LINGO2: variants seen among roughly 807,000 people sequenced by gnomAD.
LINGO2 encodes the protein leucine rich repeat and Ig domain containing 2.
In LINGO2, 14 loss-of-function variants were observed where a neutral mutation model predicts 30.6. That is an observed-to-expected ratio of 0.46 (90% CI 0.30 to 0.72). The LOEUF is 0.72. LINGO2 is among the 30% of genes least tolerant of loss of function. The probability of loss-of-function intolerance (pLI) is 0.07; values close to 1 mark genes in which losing one functional copy is unlikely to be tolerated. For missense variants in LINGO2, 729 were observed against 751.7 expected, an observed-to-expected ratio of 0.97 and a Z score of 0.35; for synonymous variants, 317 against 288.5, an observed-to-expected ratio of 1.10 and a Z score of -1.00.
intron 1 of LINGO2, among the ~76,000 whole-genome samples, chr9:28,581,151 T>C (rs1422107399): frequency 1.3e-5 from 2 of 152,020 alleles, no homozygotes; most frequent in Non-Finnish European, 2.9e-5. Context: ...TAATGAACTT[T>C]AGATGTTTTG....
intron 4 of LINGO2, among the ~76,000 whole-genome samples, chr9:28,210,006 C>T (rs903126012): frequency 6.6e-6 from 1 of 151,624 alleles, no homozygotes; most frequent in African/African-American, 2.4e-5. Context: ...ATTAACATGC[C>T]CTAAAGCCAC....
At chr9:28,085,300 A>G (rs929297628) in intron 4 of LINGO2, among the ~76,000 whole-genome samples, 2 of 152,136 alleles carry the variant, frequency 1.3e-5, no homozygotes, top group African/African-American at 4.8e-5. Flanking sequence ...CATGGTGGCA[A>G]TTGGAGAAGA....
the LINGO2 span, among the ~76,000 whole-genome samples, chr9:28,938,870 G>T: frequency 6.6e-6 from 1 of 152,036 alleles, no homozygotes; most frequent in African/African-American, 2.4e-5. Flanking sequence ...CTATGATTTT[G>T]TCCACTGTGT....
intron 5 of LINGO2, among the ~76,000 whole-genome samples, chr9:27,956,756 C>T (rs1819590917): frequency 6.6e-6 from 1 of 152,040 alleles, no homozygotes; most frequent in Non-Finnish European, 1.5e-5. Flanking sequence ...TTATTTTCCT[C>T]CTACAGCTAT....
the LINGO2 span, among the ~76,000 whole-genome samples, chr9:28,879,262 T>C: frequency 2.0e-5 from 3 of 151,810 alleles, no homozygotes; most frequent in African/African-American, 7.3e-5. Flanking sequence ...TATTTTTTAA[T>C]AGGAGAGTGA....
At chr9:28,975,135 T>A in the LINGO2 span, among the ~76,000 whole-genome samples, 1 of 152,092 alleles carries the variant, frequency 6.6e-6, no homozygotes, top group Non-Finnish European at 1.5e-5. Flanking sequence ...AGGTGCAAGA[T>A]AAAGGCTTGA....
chr9:28,135,276 G>A (rs67088525), intron 4 of LINGO2, among the ~76,000 whole-genome samples: 11,548 of 152,102 alleles, frequency 0.076, 545 homozygotes, highest in African/African-American at 0.13. Flanking sequence ...AGGAAGAGAT[G>A]TCTGGATGAA....
chr9:28,766,271 A>T, the LINGO2 span, among the ~76,000 whole-genome samples: 1 of 152,018 alleles, frequency 6.6e-6, no homozygotes, highest in Non-Finnish European at 1.5e-5. Context: ...AACCCAATTT[A>T]AAAAAAGGGC....
the LINGO2 span, among the ~76,000 whole-genome samples, chr9:28,784,842 G>T: frequency 6.6e-6 from 1 of 151,928 alleles, no homozygotes; most frequent in Non-Finnish European, 1.5e-5. Flanking sequence ...ATCCTAACTG[G>T]GAGGCTGAGG....
At chr9:28,561,749 GTATATATA>G (rs1554637723) in intron 1 of LINGO2, among the ~76,000 whole-genome samples, 3 of 48,754 alleles carry the variant, frequency 6.2e-5, no homozygotes, top group African/African-American at 2.1e-4. Flanking sequence ...GTGTGTGTGT[GTATATATA>G]TATATATATA....
At chr9:28,544,912 T>C (rs946557958) in intron 1 of LINGO2, among the ~76,000 whole-genome samples, 20 of 151,458 alleles carry the variant, frequency 1.3e-4, no homozygotes, top group Non-Finnish European at 2.5e-4. Context: ...ATCCTTTTAA[T>C]TGCCAAATTA....
chr9:28,362,761 G>T (rs1489918021), intron 3 of LINGO2, among the ~76,000 whole-genome samples: 1 of 151,998 alleles, frequency 6.6e-6, no homozygotes, highest in Non-Finnish European at 1.5e-5. Flanking sequence ...GAGCCACCAC[G>T]CCCGACCCAG....
chr9:28,868,957 A>T, the LINGO2 span, among the ~76,000 whole-genome samples: 2 of 152,128 alleles, frequency 1.3e-5, no homozygotes, highest in African/African-American at 4.8e-5. Context: ...TGGAATTTAT[A>T]TCTCGCTGAT....
At chr9:28,804,023 T>C in the LINGO2 span, among the ~76,000 whole-genome samples, 1 of 152,124 alleles carries the variant, frequency 6.6e-6, no homozygotes, top group African/African-American at 2.4e-5. Flanking sequence ...AGGCATCAAA[T>C]AATATTCATA....
chr9:28,411,128 G>A (rs1391780348), intron 2 of LINGO2, among the ~76,000 whole-genome samples: 1 of 150,032 alleles, frequency 6.7e-6, no homozygotes, highest in Non-Finnish European at 1.5e-5. Flanking sequence ...CAGGTATTAG[G>A]AGAGCCTTCT....
chr9:28,066,963 A>C (rs1002325105), intron 4 of LINGO2, among the ~76,000 whole-genome samples: 14 of 152,024 alleles, frequency 9.2e-5, no homozygotes, highest in African/African-American at 3.4e-4. Flanking sequence ...CCTATTATAA[A>C]ATTCTACACC....
chr9:27,952,496 G>A (rs935470814), intron 5 of LINGO2, among the ~76,000 whole-genome samples: 3 of 151,668 alleles, frequency 2.0e-5, no homozygotes, highest in Non-Finnish European at 4.4e-5. Flanking sequence ...ATCAGAAACA[G>A]TAAAAAAATT....
At chr9:28,885,854 C>G in the LINGO2 span, among the ~76,000 whole-genome samples, 1 of 152,090 alleles carries the variant, frequency 6.6e-6, no homozygotes, top group Non-Finnish European at 1.5e-5. Flanking sequence ...TTAGTCAGTA[C>G]AAACAGCTGA....
intron 1 of LINGO2, among the ~76,000 whole-genome samples, chr9:28,515,921 T>G (rs2135382630): frequency 6.6e-6 from 1 of 152,298 alleles, no homozygotes; most frequent in Admixed American, 6.5e-5. Flanking sequence ...TTTGTTGTCT[T>G]ATTTTAAAGA....
Sources: gnomAD v4.1 joint callset for allele counts (sites outside exome capture counted in the v4.1 genomes callset) on GRCh38, gnomAD v4.1.1 for gene constraint, MANE v1.5 for transcripts, NCBI Gene and HGNC (gene_info 2026-07-23, HGNC 2026-07-21) for gene names.